ST8SIA5: variants seen among roughly 807,000 people sequenced by gnomAD.
ST8SIA5 encodes alpha-2,8-sialyltransferase 8E.
In ST8SIA5, 24 loss-of-function variants were observed where a neutral mutation model predicts 40.2. That is an observed-to-expected ratio of 0.60 (90% CI 0.43 to 0.84). The LOEUF (loss-of-function observed/expected upper bound fraction) is 0.84. Among genes scored for constraint, ST8SIA5 ranks in the 40% least tolerant of loss-of-function variants. The pLI is 0.00. For missense variants in ST8SIA5, 465 were observed against 498.5 expected (o/e 0.93, Z 0.64); for synonymous variants, 198 against 201.8 (o/e 0.98, Z 0.16).
chr18:46,675,924 G>GC lies in ST8SIA5; in HGVS notation c.*4117dup, dbSNP rs1367038941. On this transcript the variant is annotated 3_prime_UTR_variant, in exon 7 of 7. Transcript: ENST00000315087. ...ATTTTCAAATTAGCTGGGAGCAATG[G>GC]CACGTGCCTGTGGTCCTAGCTACTT... is the stretch of plus-strand genomic sequence containing the variant. 2 of 152,078 alleles carry GC rather than the reference G, an allele frequency of 1.3e-5. No homozygotes were observed. The highest frequency in any genetic ancestry group is 2.9e-5 in the Non-Finnish European group (2 of 68,052). The allele number at this position is 152,078 out of a possible 1,614,324, so 9.4% of individuals were successfully genotyped here.
At chr18:46,755,504 C>T (rs2040234211) in intron 1 of ST8SIA5, among the ~76,000 whole-genome samples, 1 of 152,144 alleles carries the variant, frequency 6.6e-6, no homozygotes, top group African/African-American at 2.4e-5. Flanking sequence ...GCAAGAACCT[C>T]CCCTAATCTC....
intron 1 of ST8SIA5, among the ~76,000 whole-genome samples, chr18:46,755,830 G>GT (rs1160964367): frequency 6.6e-6 from 1 of 152,152 alleles, no homozygotes; most frequent in Non-Finnish European, 1.5e-5. Context: ...CTGTGGGATT[G>GT]TAAGACTTCA....
At chr18:46,710,437 T>TTCTCTCTC (rs1442656451) in intron 1 of ST8SIA5, among the ~76,000 whole-genome samples, 10 of 145,904 alleles carry the variant, frequency 6.9e-5, no homozygotes, top group African/African-American at 2.3e-4. Flanking sequence ...CTCTCTTTCT[T>TTCTCTCTC]TTTCTTTTTC....
intron 1 of ST8SIA5, among the ~76,000 whole-genome samples, chr18:46,742,678 C>T (rs1413664144): frequency 6.6e-6 from 1 of 152,204 alleles, no homozygotes; most frequent in Non-Finnish European, 1.5e-5. Flanking sequence ...CAGACTTAAA[C>T]GTCCCTGTCT....
At chr18:46,729,565 G>C (rs1448622703) in intron 1 of ST8SIA5, among the ~76,000 whole-genome samples, 8 of 152,180 alleles carry the variant, frequency 5.3e-5, no homozygotes, top group Non-Finnish European at 8.8e-5. Context: ...CCATAGAGGT[G>C]TTAGAGGTGT....
At chr18:46,706,131 T>C (rs1001597039) in intron 1 of ST8SIA5, among the ~76,000 whole-genome samples, 1 of 151,930 alleles carries the variant, frequency 6.6e-6, no homozygotes, top group East Asian at 1.9e-4. Flanking sequence ...TTTAATATAG[T>C]TTTAAGTACT....
At chr18:46,681,866 ACAGC>A (rs941571330) in intron 6 of ST8SIA5, 102 bp downstream of exon 6, 2 of 1,166,978 alleles carry the variant, frequency 1.7e-6, no homozygotes, top group African/African-American at 3.1e-5. Flanking sequence ...TTTTACACTC[ACAGC>A]CAGCACACCT....
intron 1 of ST8SIA5, among the ~76,000 whole-genome samples, chr18:46,745,293 G>A (rs913104747): frequency 8.6e-5 from 13 of 151,928 alleles, no homozygotes; most frequent in East Asian, 1.9e-4. Context: ...TTTTTGAAAC[G>A]ATCAACAAAA....
intron 1 of ST8SIA5, among the ~76,000 whole-genome samples, chr18:46,750,674 G>A (rs576549652): frequency 1.4e-4 from 22 of 152,144 alleles, no homozygotes; most frequent in East Asian, 1.4e-3. Flanking sequence ...TCACTCTGAC[G>A]CCCTCGTCCC....
At chr18:46,712,559 C>G (rs1388360104) in intron 1 of ST8SIA5, among the ~76,000 whole-genome samples, 1 of 152,216 alleles carries the variant, frequency 6.6e-6, no homozygotes, top group Admixed American at 6.5e-5. Flanking sequence ...TCCTCTGTGC[C>G]TGCAGCCCCT....
chr18:46,727,184 C>T (rs577302928), intron 1 of ST8SIA5, among the ~76,000 whole-genome samples: 10 of 152,316 alleles, frequency 6.6e-5, no homozygotes, highest in Admixed American at 1.3e-4. Context: ...TGCCACCTCA[C>T]GCCCATACTT....
chr18:46,707,397 A>G (rs2144504639), intron 1 of ST8SIA5, among the ~76,000 whole-genome samples: 1 of 152,256 alleles, frequency 6.6e-6, no homozygotes, highest in East Asian at 1.9e-4. Flanking sequence ...CTCCTCTTTA[A>G]AACAATCTGT....
chr18:46,693,658 G>A (rs76998588), intron 2 of ST8SIA5, among the ~76,000 whole-genome samples: 20,732 of 152,188 alleles, frequency 0.14, 1,850 homozygotes, highest in Middle Eastern at 0.26. Context: ...CTAGAACAGT[G>A]CTTAGCAAAA....
Position 46,690,172 on chromosome 18 carries a change from A to T in ST8SIA5, c.312-1253T>A, listed in dbSNP as rs191524386. On this transcript the variant is annotated intron_variant, in intron 3 of 6. Transcript: ENST00000315087. The stretch of plus-strand genomic sequence containing the variant: ...ACTGACTCACACTAACCAAGCTCAT[A>T]AGTGACTGATATACAAACCAGAATG... Among the ~76,000 whole-genome samples, 707 of 152,330 alleles carry T rather than the reference A, an allele frequency of 4.6e-3. 6 individuals are homozygous for T. Among genetic ancestry groups the T allele is most frequent in the African/African-American group, 0.016 (685 of 41,576 alleles).
intron 2 of ST8SIA5, among the ~76,000 whole-genome samples, chr18:46,699,525 G>A (rs1427687799): frequency 2.6e-5 from 4 of 151,934 alleles, no homozygotes; most frequent in African/African-American, 4.8e-5. Context: ...GAATACAGGC[G>A]CCTGCTACTA....
rs2039366530 is a variant in ST8SIA5, at chr18:46,679,667, T to C, written c.*375A>G. 3.6e-6 allele frequency: 1 copy of C among 280,808 alleles called. No individual in the cohort carries two copies. Among genetic ancestry groups the C allele is most frequent in the South Asian group, 4.9e-5 (1 of 20,330 alleles). The allele number at this position is 280,808 out of a possible 1,614,324, so 17.4% of individuals were successfully genotyped here. A position where few individuals can be genotyped will look rare whatever the true frequency, so the allele number is the denominator to read the frequency against. On this transcript the variant is annotated 3_prime_UTR_variant, in exon 7 of 7. Coordinates refer to ENST00000315087, the MANE Select transcript of ST8SIA5 (RefSeq NM_013305.6). ...ATTCCATTCTCTGTAGGGTCTTCCTTCAGCTGCAACAAGGGCCTGCAGTTT... is the reference window on the plus strand; with the variant it reads ...ATTCCATTCTCTGTAGGGTCTTCCTCCAGCTGCAACAAGGGCCTGCAGTTT...
At position 46,682,048 on chromosome 18, in the gene ST8SIA5, T is replaced by TG; in HGVS notation, c.585dup (p.Ile196HisfsTer119). 2 of 1,606,380 alleles carry TG rather than the reference T, an allele frequency of 1.2e-6. No homozygotes were observed. Among genetic ancestry groups the TG allele is most frequent in the African/African-American group, 1.3e-5 (1 of 74,634 alleles). ...ACATCCATGGTGTACTTCTCTGAGA[T>TG]GGGGGGCAGGTTGCACCTGCAGAAG... On this transcript the variant is annotated frameshift_variant, in exon 6 of 7. Coordinates refer to ENST00000315087, the MANE Select transcript of ST8SIA5 (RefSeq NM_013305.6). LOFTEE classifies it high-confidence loss of function.
In ST8SIA5 at chr18:46,682,048, TG is replaced by T. The variant is rs1311074768; in HGVS notation, c.585del (p.Ile196SerfsTer11). On this transcript the variant is annotated frameshift_variant, in exon 6 of 7. Coordinates refer to ENST00000315087, the MANE Select transcript of ST8SIA5 (RefSeq NM_013305.6). LOFTEE classifies it high-confidence loss of function. The stretch of plus-strand genomic sequence containing the variant: ...ACATCCATGGTGTACTTCTCTGAGA[TG>T]GGGGGCAGGTTGCACCTGCAGAAGA... The part of the protein sequence containing the change: ...ADFVFRCNLP[P>X]ISEKYTMDVG... The T allele has an allele frequency of 1.2e-6, 2 of 1,606,258 alleles. No homozygotes were observed. Among genetic ancestry groups the T allele is most frequent in the Non-Finnish European group, 1.7e-6 (2 of 1,176,838 alleles).
At chr18:46,716,766 C>T (rs2039796178) in intron 1 of ST8SIA5, among the ~76,000 whole-genome samples, 2 of 152,248 alleles carry the variant, frequency 1.3e-5, no homozygotes, top group Admixed American at 6.5e-5. Flanking sequence ...TATGTGCACT[C>T]GCCAGAGGGT....
Sources: gnomAD v4.1 joint callset for allele counts (sites outside exome capture counted in the v4.1 genomes callset) on GRCh38, gnomAD v4.1.1 for gene constraint, MANE v1.5 for transcripts, NCBI Gene and HGNC (gene_info 2026-07-23, HGNC 2026-07-21) for gene names.